CSMD1: variants seen among roughly 807,000 people sequenced by gnomAD.
CSMD1 encodes the protein CUB and sushi domain-containing protein 1.
A neutral mutation model predicts 417.5 loss-of-function variants in CSMD1; 213 were observed. That is an observed-to-expected ratio of 0.51 (90% CI 0.46 to 0.57). CSMD1 has a LOEUF of 0.57. CSMD1 is among the 20% of genes least tolerant of loss of function. The pLI is 0.00. For missense variants in CSMD1, 6,923 were observed against 4,529.7 expected, an observed-to-expected ratio of 1.53 and a Z score of -15.17; for synonymous variants, 2,862 against 1,736.8, an observed-to-expected ratio of 1.65 and a Z score of -16.11.
rs147525681 is a variant in CSMD1 at position 3,676,822 on chromosome 8, T to C, written c.1009+31592A>G. 4.7e-3 allele frequency among the ~76,000 whole-genome samples: 719 copies of C among 152,216 alleles called. 1 individual carries two copies. Among genetic ancestry groups the C allele is most frequent in the Non-Finnish European group, 8.2e-3 (555 of 68,018 alleles). ...AAGAAAATGTGGCACATACACACCA[T>C]GGAATAAAGGATGAGTTCATTTCCT... On this transcript the variant is annotated intron_variant, in intron 7 of 69. Transcript: ENST00000635120.
rs76523002 is a variant in CSMD1, at chr8:4,419,590, A to G, written c.415+363T>C. Among the ~76,000 whole-genome samples the G allele has an allele frequency of 4.9e-3, 739 of 152,328 alleles. 6 individuals carry two copies. Among genetic ancestry groups the G allele is most frequent in the African/African-American group, 0.017 (707 of 41,594 alleles). On this transcript the variant is annotated intron_variant, in intron 3 of 69. Coordinates refer to ENST00000635120, the MANE Select transcript of CSMD1 (RefSeq NM_033225.6). ...TTTCCTTTACTCAAGCACTATCAGT[A>G]TAATTGTCCAACCAAAAATTTAATG...
intron 17 of CSMD1, among the ~76,000 whole-genome samples, chr8:3,392,726 T>C (rs1811423643): frequency 6.6e-6 from 1 of 152,106 alleles, no homozygotes; most frequent in African/African-American, 2.4e-5. Context: ...GGCTGTACAA[T>C]TTACTAAGCT....
chr8:3,597,951 G>T (rs556957933), intron 8 of CSMD1, among the ~76,000 whole-genome samples: 2 of 152,116 alleles, frequency 1.3e-5, no homozygotes, highest in South Asian at 2.1e-4. Context: ...AAACCTGCAC[G>T]TTGTGCACAT....
chr8:4,245,761 C>G (rs1802667357), intron 3 of CSMD1, among the ~76,000 whole-genome samples: 2 of 152,090 alleles, frequency 1.3e-5, no homozygotes. Context: ...CCGTATCACC[C>G]AACTCTGTTT....
At chr8:3,839,878 C>T (rs966941153) in intron 5 of CSMD1, among the ~76,000 whole-genome samples, 1 of 151,826 alleles carries the variant, frequency 6.6e-6, no homozygotes, top group Non-Finnish European at 1.5e-5. Flanking sequence ...TTCTAAGGAT[C>T]AGAACAGCCT....
chr8:4,612,209 C>T (rs928047550), intron 2 of CSMD1, among the ~76,000 whole-genome samples: 1 of 152,120 alleles, frequency 6.6e-6, no homozygotes, highest in Non-Finnish European at 1.5e-5. Context: ...AGGCACACTG[C>T]CTTCATCACC....
At chr8:3,772,951 C>A (rs1798698214) in intron 5 of CSMD1, among the ~76,000 whole-genome samples, 1 of 152,016 alleles carries the variant, frequency 6.6e-6, no homozygotes, top group Admixed American at 6.6e-5. Flanking sequence ...TCTGGAGGTT[C>A]ACTATCAAGG....
intron 40 of CSMD1, among the ~76,000 whole-genome samples, chr8:3,145,177 G>C (rs1295795474): frequency 6.6e-6 from 1 of 152,082 alleles, no homozygotes; most frequent in East Asian, 1.9e-4. Flanking sequence ...CAATCAGGCG[G>C]AATCAAGAAG....
At chr8:3,412,970 G>T (rs912716665) in intron 12 of CSMD1, among the ~76,000 whole-genome samples, 2 of 152,156 alleles carry the variant, frequency 1.3e-5, no homozygotes, top group Non-Finnish European at 2.9e-5. Context: ...ACAAATCTGT[G>T]CAGTCAGGAG....
At chr8:4,884,672 T>C (rs1803620037) in intron 1 of CSMD1, among the ~76,000 whole-genome samples, 1 of 152,098 alleles carries the variant, frequency 6.6e-6, no homozygotes, top group Admixed American at 6.5e-5. Flanking sequence ...CAAATAACAA[T>C]TGCCCAGAAA....
intron 3 of CSMD1, among the ~76,000 whole-genome samples, chr8:4,144,024 G>C (rs1203867317): frequency 1.3e-5 from 2 of 151,302 alleles, no homozygotes; most frequent in Non-Finnish European, 2.9e-5. Flanking sequence ...GGGCTATAGA[G>C]AAAGCAGCCT....
At chr8:4,751,655 T>G (rs1389647562) in intron 1 of CSMD1, among the ~76,000 whole-genome samples, 1 of 151,944 alleles carries the variant, frequency 6.6e-6, no homozygotes, top group Non-Finnish European at 1.5e-5. Flanking sequence ...TCACCCTCAG[T>G]GAATTATTTT....
At chr8:4,801,998 G>C (rs1798312640) in intron 1 of CSMD1, among the ~76,000 whole-genome samples, 1 of 152,142 alleles carries the variant, frequency 6.6e-6, no homozygotes, top group Non-Finnish European at 1.5e-5. Context: ...GCAAGGCTCA[G>C]CATTTTGCTT....
chr8:4,742,410 G>A (rs1012358512), intron 1 of CSMD1, among the ~76,000 whole-genome samples: 1 of 151,884 alleles, frequency 6.6e-6, no homozygotes, highest in Non-Finnish European at 1.5e-5. Context: ...AAAAATAAAT[G>A]TCCTACTCTG....
chr8:4,104,428 GCACACGCATGCA>G (rs1280454766), intron 3 of CSMD1, among the ~76,000 whole-genome samples: 7 of 143,890 alleles, frequency 4.9e-5, no homozygotes, highest in South Asian at 2.4e-4. Context: ...ACACACATGC[GCACACGCATGCA>G]CACACACACA....
chr8:4,582,838 G>A (rs567978426), intron 2 of CSMD1, among the ~76,000 whole-genome samples: 4 of 152,322 alleles, frequency 2.6e-5, no homozygotes, highest in Admixed American at 6.5e-5. Flanking sequence ...GGAGAGGCGC[G>A]AGTGGGAACC....
At chr8:4,411,700 G>A (rs943269079) in intron 3 of CSMD1, among the ~76,000 whole-genome samples, 8 of 152,028 alleles carry the variant, frequency 5.3e-5, no homozygotes, top group East Asian at 1.9e-4. Flanking sequence ...GAATGCTCAC[G>A]AAAGCATATA....
intron 3 of CSMD1, among the ~76,000 whole-genome samples, chr8:4,119,920 G>T (rs907999942): frequency 1.3e-5 from 2 of 150,794 alleles, no homozygotes; most frequent in African/African-American, 4.9e-5. Context: ...TAGTGGGAGG[G>T]TGAGAGGAGC....
chr8:3,469,736 C>T (rs554313806), intron 11 of CSMD1, among the ~76,000 whole-genome samples: 1 of 152,290 alleles, frequency 6.6e-6, no homozygotes, highest in Non-Finnish European at 1.5e-5. Flanking sequence ...ACCCTACATC[C>T]TCACCTTAGG....
Sources: gnomAD v4.1 joint callset for allele counts (sites outside exome capture counted in the v4.1 genomes callset) on GRCh38, gnomAD v4.1.1 for gene constraint, MANE v1.5 for transcripts, NCBI Gene and HGNC (gene_info 2026-07-23, HGNC 2026-07-21) for gene names.